The following SLC10A7 variants were observed in gnomAD, a reference collection of about 807,000 sequenced individuals.
SLC10A7 encodes the protein sodium/bile acid cotransporter 7.
A neutral mutation model predicts 43.2 loss-of-function variants in SLC10A7; 29 were observed. That is an observed-to-expected ratio of 0.67 (90% CI 0.50 to 0.92). The LOEUF is 0.92. SLC10A7 is among the 40% of genes least tolerant of loss of function. The pLI is 0.00. For missense variants in SLC10A7, 295 were observed against 403.2 expected (o/e 0.73, Z 2.30); for synonymous variants, 152 against 144.8 (o/e 1.05, Z -0.35).
At chr4:146,395,225 T>A (rs1033245586) in intron 5 of SLC10A7, among the ~76,000 whole-genome samples, 4 of 151,604 alleles carry the variant, frequency 2.6e-5, no homozygotes, top group African/African-American at 4.8e-5. Context: ...AAAAAAAAAA[T>A]TTAACTTAGC....
chr4:146,392,745 A>G (rs531908515), intron 5 of SLC10A7, among the ~76,000 whole-genome samples: 2 of 152,174 alleles, frequency 1.3e-5, no homozygotes, highest in East Asian at 1.9e-4. Flanking sequence ...AGCCAGAATA[A>G]TCTTTCTAAA....
intron 5 of SLC10A7, among the ~76,000 whole-genome samples, chr4:146,428,185 A>C (rs1337644715): frequency 6.6e-6 from 1 of 151,804 alleles, no homozygotes; most frequent in Non-Finnish European, 1.5e-5. Context: ...ACTCAAAAAC[A>C]AACAAACAAA....
At chr4:146,519,090 TATATATATATATATATATATATAA>T (rs1738319328) in intron 1 of SLC10A7, among the ~76,000 whole-genome samples, 1 of 118,646 alleles carries the variant, frequency 8.4e-6, no homozygotes, top group African/African-American at 3.3e-5. Flanking sequence ...TATATATATA[TATATATATATATATATATATATAA>T]TATAATATAT....
At chr4:146,262,175 C>T (rs1728271169) in intron 10 of SLC10A7, among the ~76,000 whole-genome samples, 1 of 152,198 alleles carries the variant, frequency 6.6e-6, no homozygotes, top group Admixed American at 6.5e-5. Context: ...CCCACTTCTC[C>T]TCCCTGCAAT....
At chr4:146,498,114 C>CTT (rs201706885) in intron 4 of SLC10A7, among the ~76,000 whole-genome samples, 6 of 143,794 alleles carry the variant, frequency 4.2e-5, no homozygotes, top group Admixed American at 3.5e-4. Context: ...ACTCTTATTA[C>CTT]TTTTTTTTTT....
Position 146,508,538 on chromosome 4 carries a change from C to T in SLC10A7, c.320+1375G>A, listed in dbSNP as rs866152730. ...CACCATGCCTCCTAACCTAGTTTTC[C>T]CCTCTTAAGTAAATGATGCTACCAA... is the stretch of plus-strand genomic sequence containing the variant. On this transcript the variant is annotated intron_variant, in intron 3 of 11. Coordinates refer to ENST00000335472, the MANE Select transcript of SLC10A7 (RefSeq NM_001029998.6). 4.5e-4 allele frequency among the ~76,000 whole-genome samples: 68 copies of T among 152,224 alleles called. No individual in the cohort carries two copies. In the Middle Eastern group the frequency reaches 0.027, roughly 61 times the overall value.
Position 146,266,054 on chromosome 4 carries a change from C to T in SLC10A7, c.848-7217G>A, listed in dbSNP as rs559081058. 3.9e-5 allele frequency among the ~76,000 whole-genome samples: 6 copies of T among 152,342 alleles called. No homozygotes were observed. The South Asian group carries it at 1.2e-3, about 32-fold the overall frequency. ...GCCTGAATTTACATGACTTGTTTTC[C>T]ATTTAAATGCTTTCTCTGACTTTTC... is the stretch of plus-strand genomic sequence containing the variant. On this transcript the variant is annotated intron_variant, in intron 10 of 11. Transcript: ENST00000335472.
chr4:146,453,804 A>G lies in SLC10A7; in HGVS notation c.397-10983T>C, dbSNP rs545929013. On this transcript the variant is annotated intron_variant, in intron 4 of 11. Coordinates refer to ENST00000335472, the MANE Select transcript of SLC10A7 (RefSeq NM_001029998.6). ...TTTAATGTGCAAACTGACCCTTCTAAGACAAAACAGACACCTTTTAACACT... is the reference window on the plus strand; with the variant it reads ...TTTAATGTGCAAACTGACCCTTCTAGGACAAAACAGACACCTTTTAACACT... 2.0e-5 allele frequency among the ~76,000 whole-genome samples: 3 copies of G among 152,102 alleles called. 1 individual carries two copies. The South Asian group carries it at 6.2e-4, about 31-fold the overall frequency.
intron 5 of SLC10A7, among the ~76,000 whole-genome samples, chr4:146,371,884 G>A (rs2149779520): frequency 6.6e-6 from 1 of 152,216 alleles, no homozygotes; most frequent in East Asian, 1.9e-4. Context: ...GGTTGGGGAT[G>A]GCTCAAGCAT....
chr4:146,302,950 G>A (rs1014350997), intron 7 of SLC10A7, among the ~76,000 whole-genome samples: 2 of 152,186 alleles, frequency 1.3e-5, no homozygotes. Context: ...TCAAGAATGA[G>A]ATACTTATAC....
At chr4:146,365,430 C>G (rs112767751) in intron 5 of SLC10A7, among the ~76,000 whole-genome samples, 2 of 152,302 alleles carry the variant, frequency 1.3e-5, no homozygotes, top group African/African-American at 4.8e-5. Context: ...TTGATAGTAG[C>G]TGACTTTATG....
At chr4:146,350,331 A>T (rs1734966423) in intron 5 of SLC10A7, among the ~76,000 whole-genome samples, 1 of 151,478 alleles carries the variant, frequency 6.6e-6, no homozygotes, top group African/African-American at 2.4e-5. Context: ...GAACGGCTTA[A>T]AAAACGGCGC....
chr4:146,382,985 C>T (rs1737739214), intron 5 of SLC10A7, among the ~76,000 whole-genome samples: 1 of 152,000 alleles, frequency 6.6e-6, no homozygotes, highest in African/African-American at 2.4e-5. Context: ...CACCTCTAGG[C>T]ACTGCCTCCT....
intron 9 of SLC10A7, among the ~76,000 whole-genome samples, chr4:146,291,220 GAT>G (rs895300751): frequency 4.6e-5 from 7 of 152,204 alleles, no homozygotes; most frequent in African/African-American, 1.4e-4. Context: ...TTTCTAAGGT[GAT>G]ATAACAAGCC....
chr4:146,506,657 G>C (rs535743279), intron 3 of SLC10A7, among the ~76,000 whole-genome samples: 1 of 152,038 alleles, frequency 6.6e-6, no homozygotes, highest in East Asian at 1.9e-4. Flanking sequence ...TACCTCTCAG[G>C]CCACTCTAAT....
intron 5 of SLC10A7, among the ~76,000 whole-genome samples, chr4:146,394,079 A>T (rs542872696): frequency 6.6e-6 from 1 of 152,308 alleles, no homozygotes; most frequent in East Asian, 1.9e-4. Flanking sequence ...ATTATTCTGT[A>T]TTATTTCAGG....
At chr4:146,483,418 T>G (rs1462220123) in intron 4 of SLC10A7, among the ~76,000 whole-genome samples, 8 of 149,836 alleles carry the variant, frequency 5.3e-5, no homozygotes, top group Non-Finnish European at 1.0e-4. Flanking sequence ...TATAAGATGT[T>G]TTATCTAAAC....
intron 3 of SLC10A7, among the ~76,000 whole-genome samples, chr4:146,506,274 G>A (rs969882980): frequency 1.3e-5 from 2 of 152,146 alleles, no homozygotes; most frequent in East Asian, 3.9e-4. Flanking sequence ...AAAAAAATTT[G>A]CCAACTATAT....
At chr4:146,306,819 T>A (rs1307980346) in intron 6 of SLC10A7, among the ~76,000 whole-genome samples, 1 of 152,176 alleles carries the variant, frequency 6.6e-6, no homozygotes, top group Non-Finnish European at 1.5e-5. Context: ...GGACAAACAA[T>A]AGATGTTTTT....
Sources: gnomAD v4.1 joint callset for allele counts (sites outside exome capture counted in the v4.1 genomes callset) on GRCh38, gnomAD v4.1.1 for gene constraint, MANE v1.5 for transcripts, NCBI Gene and HGNC (gene_info 2026-07-23, HGNC 2026-07-21) for gene names.